Variants in ABCB9 observed in about 807,000 individuals in gnomAD.
The protein encoded by ABCB9 is ABC-type oligopeptide transporter ABCB9.
Under a neutral mutation model 62.0 loss-of-function variants are expected in ABCB9, and 36 were observed. The ratio of observed to expected loss-of-function variants is 0.58; its 90% CI spans 0.45 to 0.77. ABCB9 has a LOEUF of 0.77. ABCB9 is among the 30% of genes least tolerant of loss of function. The pLI is 0.00. For missense variants in ABCB9, 943 were observed against 1,054.7 expected (o/e 0.89, Z 1.47); for synonymous variants, 435 against 461.4 (o/e 0.94, Z 0.73).
chr12:122,935,493 C>T, intron 9 of ABCB9, 62 bp from the exon 10 acceptor site: 1 of 1,559,830 alleles, frequency 6.4e-7, no homozygotes. Context: ...CTGTCCCCAG[C>T]AGCCTTGCTG....
At chr12:122,965,670 G>A (rs1242216747) in intron 1 of ABCB9, among the ~76,000 whole-genome samples, 3 of 152,200 alleles carry the variant, frequency 2.0e-5, no homozygotes, top group Admixed American at 2.0e-4. Context: ...GGGCAGAGGC[G>A]GGGATCCTGT....
intron 2 of ABCB9, among the ~76,000 whole-genome samples, chr12:122,958,611 G>A (rs1181442855): frequency 1.3e-5 from 2 of 152,136 alleles, no homozygotes; most frequent in Non-Finnish European, 2.9e-5. Flanking sequence ...GGCCAAGGTG[G>A]GAGGATCACT....
chr12:122,971,415 AAACAAAAAC>A (rs1003516798), upstream of ABCB9, among the ~76,000 whole-genome samples: 2 of 139,576 alleles, frequency 1.4e-5, no homozygotes, highest in African/African-American at 6.7e-5. Context: ...AATCAAAAAC[AAACAAAAAC>A]AACAAAAAAA....
At chr12:122,937,586 TG>T (rs1052209015) in intron 9 of ABCB9, among the ~76,000 whole-genome samples, 2 of 152,190 alleles carry the variant, frequency 1.3e-5, no homozygotes, top group Non-Finnish European at 2.9e-5. Context: ...CTGCAAAGTG[TG>T]AACGGCTCTG....
chr12:122,960,992 A>G (rs955705828), intron 1 of ABCB9, among the ~76,000 whole-genome samples: 2 of 151,902 alleles, frequency 1.3e-5, no homozygotes, highest in African/African-American at 4.8e-5. Flanking sequence ...TCAGCCTGGG[A>G]GTTCGAGGCC....
At chr12:122,938,155 C>T (rs543830300) in intron 9 of ABCB9, among the ~76,000 whole-genome samples, 11 of 152,340 alleles carry the variant, frequency 7.2e-5, no homozygotes, top group South Asian at 2.1e-4. Context: ...AGAACGTACT[C>T]ATGTACAACA....
intron 9 of ABCB9, 25 bp from the exon 10 acceptor site, chr12:122,935,456 T>A: frequency 6.2e-7 from 1 of 1,605,940 alleles, no homozygotes; most frequent in Non-Finnish European, 8.5e-7. Context: ...GCATGGAGCA[T>A]GAGAGGCCAG....
chr12:122,940,940 A>G lies in ABCB9; in HGVS notation c.1436T>C (p.Val479Ala), dbSNP rs1594009342. 2.5e-6 allele frequency: 4 copies of G among 1,612,680 alleles called. No homozygotes were observed. The highest frequency in any genetic ancestry group is 1.7e-5 in the Admixed American group (1 of 59,862). ...CGGCTGCCGGTCGATGAACTCGAAC[A>G]CCTTCTCAGCAGCCCCCACTCCCTG... ...LMQGVGAAEKVFEFIDRQPTM... is the reference protein window; with the variant it reads ...LMQGVGAAEKAFEFIDRQPTM... Residue 479 changes from valine (V) to alanine (A), a missense_variant, in exon 8 of 12, where the codon GTG becomes GCG. Val to Ala is a moderately conservative substitution (Grantham distance 64). Coordinates refer to ENST00000280560, the MANE Select transcript of ABCB9 (RefSeq NM_019625.4). This position sits in a 1 kb window ranked among gnomAD's most constrained non-coding sequence, Gnocchi z 4.8.
At chr12:122,950,079 C>T (rs912408258) in intron 3 of ABCB9, among the ~76,000 whole-genome samples, 161 bp from the exon 4 acceptor site, 4 of 152,188 alleles carry the variant, frequency 2.6e-5, no homozygotes, top group African/African-American at 9.7e-5. Context: ...GGGAGCCCCC[C>T]TCAAGGTGAG....
At chr12:122,924,097 T>G (rs2034824701), downstream of ABCB9, among the ~76,000 whole-genome samples, 1 of 152,204 alleles carries the variant, frequency 6.6e-6, no homozygotes, top group Non-Finnish European at 1.5e-5. Flanking sequence ...AGGCATTGAC[T>G]TGGGCTGAGT....
downstream of ABCB9, among the ~76,000 whole-genome samples, chr12:122,925,184 G>T (rs2034860928): frequency 6.6e-6 from 1 of 152,134 alleles, no homozygotes; most frequent in South Asian, 2.1e-4. Context: ...GCCTCCCAAA[G>T]TGCTGGGATT....
rs535556090 is a variant in ABCB9 at position 122,953,972 on chromosome 12, C to T, written c.602-3407G>A. Among the ~76,000 whole-genome samples, 15 of 152,284 alleles carry T rather than the reference C, an allele frequency of 9.9e-5. No individual in the cohort carries two copies. In the South Asian group the frequency reaches 3.1e-3, roughly 32 times the overall value. On this transcript the variant is annotated intron_variant, in intron 2 of 11. Coordinates refer to ENST00000280560, the MANE Select transcript of ABCB9 (RefSeq NM_019625.4). ...AGGCTCAGAGAGATTAAGTCACTTG[C>T]CCAAGTTTATACATTTGGTTTGCCA...
intron 6 of ABCB9, among the ~76,000 whole-genome samples, chr12:122,945,496 A>C (rs2035984718): frequency 6.6e-6 from 1 of 152,126 alleles, no homozygotes; most frequent in South Asian, 2.1e-4. Flanking sequence ...TCCCCACCTC[A>C]GCAAGGATGT....
intron 2 of ABCB9, 73 bp from the exon 3 acceptor site, chr12:122,950,638 A>C (rs2036317084): frequency 8.4e-7 from 1 of 1,195,828 alleles, no homozygotes; most frequent in Non-Finnish European, 1.2e-6. Context: ...GAGGCTCCAG[A>C]AGTCCACACA....
At chr12:122,973,578 GAA>G (rs57853191) in intron 1 of ABCB9, among the ~76,000 whole-genome samples, 1,952 of 50,294 alleles carry the variant, frequency 0.039, 8 homozygotes, top group African/African-American at 0.11. Context: ...CTCAAAAAAA[GAA>G]AAAAAAAAAA....
rs2035558838 is a variant in ABCB9 at position 122,938,214 on chromosome 12, T to A, written c.1743+1897A>T. On this transcript the variant is annotated intron_variant, in intron 9 of 11. Transcript: ENST00000280560. The stretch of plus-strand genomic sequence containing the variant: ...CATCCCACACTGGTATTTTTGGTAA[T>A]GGTAAAACAAAACAAAACAAAACAA... Among the ~76,000 whole-genome samples, 3 of 152,052 alleles carry A rather than the reference T, an allele frequency of 2.0e-5. No individual in the cohort carries two copies. The South Asian group carries it at 6.2e-4, about 32-fold the overall frequency.
chr12:122,920,935 G>A (rs908804014), downstream of ABCB9: 49 of 1,310,884 alleles, frequency 3.7e-5, no homozygotes, highest in Admixed American at 1.2e-4. Context: ...CACATAAAGC[G>A]CATAGACTCG....
downstream of ABCB9, among the ~76,000 whole-genome samples, chr12:122,927,858 G>A (rs982224135): frequency 6.6e-6 from 1 of 152,180 alleles, no homozygotes; most frequent in Non-Finnish European, 1.5e-5. Flanking sequence ...ATAAAAAACA[G>A]CTGATCTCAC....
rs2135907229 is a variant in ABCB9, at chr12:122,959,302, A to G, written c.601+333T>C. 6.6e-6 allele frequency among the ~76,000 whole-genome samples: 1 copy of G among 152,018 alleles called. No homozygotes were observed. Among genetic ancestry groups the G allele is most frequent in the South Asian group, 2.1e-4 (1 of 4,816 alleles). Reference sequence around the variant, plus strand: ...GGGAGGCAGAGGTTGCAGTGACCTGAGATTGTGCCACTGCACTCTAGCCTA... The same window carrying G: ...GGGAGGCAGAGGTTGCAGTGACCTGGGATTGTGCCACTGCACTCTAGCCTA... On this transcript the variant is annotated intron_variant, in intron 2 of 11. Coordinates refer to ENST00000280560, the MANE Select transcript of ABCB9 (RefSeq NM_019625.4). The surrounding 1 kb of genome is among the most constrained non-coding windows in gnomAD (Gnocchi z 5.4).
Sources: gnomAD v4.1 joint callset for allele counts (sites outside exome capture counted in the v4.1 genomes callset) on GRCh38, gnomAD v4.1.1 for gene constraint, Gnocchi (gnomAD v3.1) non-coding constraint, MANE v1.5 for transcripts, NCBI Gene and HGNC (gene_info 2026-07-23, HGNC 2026-07-21) for gene names.